TLNRD1: variants seen among roughly 807,000 people sequenced by gnomAD.
TLNRD1 encodes talin rod domain containing 1.
Under a neutral mutation model 19.5 loss-of-function variants are expected in TLNRD1, and 14 were observed. The observed-to-expected ratio is 0.72, with a 90% CI of 0.47 to 1.12. TLNRD1 has a LOEUF of 1.12. TLNRD1 is among the 50% of genes most tolerant of loss of function. TLNRD1 has a pLI of 0.00. For missense variants in TLNRD1, 569 were observed against 531.9 expected (o/e 1.07, Z -0.69); for synonymous variants, 345 against 261.7 (o/e 1.32, Z -3.07).
rs369155048 is a variant in TLNRD1, at chr15:81,003,060, C to T, written c.789C>T (p.Gly263=). 5.3e-4 allele frequency: 818 copies of T among 1,546,596 alleles called. No homozygotes were observed. Among genetic ancestry groups the T allele is most frequent in the Non-Finnish European group, 6.5e-4 (746 of 1,152,212 alleles). ...PLVQAVSALV[G]FATEPQFLGR... is the part of the protein sequence containing the mutation. ...TGCAGGCAGTGAGCGCCCTGGTAGG[C>T]TTCGCCACCGAGCCGCAGTTCCTGG... is the stretch of plus-strand genomic sequence containing the variant. The change falls in exon 1 of 1, where the codon GGC becomes GGT. Residue 263 remains glycine (G), a synonymous_variant. Transcript: ENST00000267984.
Position 81,002,199 on chromosome 15 carries a change from G to A in TLNRD1, c.-73G>A. ...CCAGCTGAGTCGCGACGGCCGCCGGGGCGGCGGCAGTGGCCGCGGCAGCGG... is the reference window on the plus strand; with the variant it reads ...CCAGCTGAGTCGCGACGGCCGCCGGAGCGGCGGCAGTGGCCGCGGCAGCGG... On this transcript the variant is annotated 5_prime_UTR_variant, in exon 1 of 1. Coordinates refer to ENST00000267984, the MANE Select transcript of TLNRD1 (RefSeq NM_022566.3). 8 of 1,208,354 alleles carry A rather than the reference G, an allele frequency of 6.6e-6. No individual in the cohort carries two copies. In the South Asian group the frequency reaches 1.7e-4, roughly 25 times the overall value. The allele number at this position is 1,208,354 out of a possible 1,614,324, so 74.9% of individuals were successfully genotyped here.
chr15:81,002,913 C>G lies in TLNRD1; in HGVS notation c.642C>G (p.Phe214Leu), dbSNP rs1170122194. Reference sequence around the variant, plus strand: ...GGGACCGCTTTTCGCGGGAGCAGTTCAAGCTGGGCGTCAAGTGCATGAGCA... The same window carrying G: ...GGGACCGCTTTTCGCGGGAGCAGTTGAAGCTGGGCGTCAAGTGCATGAGCA... ...KSRDRFSREQFKLGVKCMSTS... is the reference protein window; with the variant it reads ...KSRDRFSREQLKLGVKCMSTS... The change falls in exon 1 of 1, where the codon TTC (phenylalanine) becomes TTG (leucine). Residue 214 changes from phenylalanine to leucine, a missense_variant. Physicochemically the swap from Phe to Leu is conservative, Grantham distance 22. Coordinates refer to ENST00000267984, the MANE Select transcript of TLNRD1 (RefSeq NM_022566.3). 1.3e-6 allele frequency: 2 copies of G among 1,597,258 alleles called. No homozygotes were observed. The highest frequency in any genetic ancestry group is 8.5e-7 in the Non-Finnish European group (1 of 1,178,728).
chr15:81,003,602 G>T lies in TLNRD1; in HGVS notation c.*242G>T, dbSNP rs540436377. 3.7e-4 allele frequency: 163 copies of T among 444,226 alleles called. 1 individual carries two copies. The highest frequency in any genetic ancestry group is 5.6e-4 in the Non-Finnish European group (138 of 244,354). The allele number at this position is 444,226 out of a possible 1,614,324, so 27.5% of individuals were successfully genotyped here. Reference sequence around the variant, plus strand: ...GGGACTGGAAGATATGTCATCTGCTGGTTGTGTTATCACTCCCACCCCCTA... The same window carrying T: ...GGGACTGGAAGATATGTCATCTGCTTGTTGTGTTATCACTCCCACCCCCTA... On this transcript the variant is annotated 3_prime_UTR_variant, in exon 1 of 1. Transcript: ENST00000267984.
At position 81,003,054 on chromosome 15, in the gene TLNRD1, G is replaced by T. The variant is rs1306963001; in HGVS notation, c.783G>T (p.Leu261=). The T allele has an allele frequency of 1.9e-6, 3 of 1,547,090 alleles. No individual in the cohort carries two copies. The highest frequency in any genetic ancestry group is 2.6e-6 in the Non-Finnish European group (3 of 1,152,548). ...CCCTGGTGCAGGCAGTGAGCGCCCT[G>T]GTAGGCTTCGCCACCGAGCCGCAGT... ...SGPLVQAVSA[L]VGFATEPQFL... is the part of the protein sequence containing the mutation. The change falls in exon 1 of 1, where the codon CTG becomes CTT. Residue 261 remains leucine, a synonymous_variant. Transcript: ENST00000267984.
chr15:81,003,187 C>T lies in TLNRD1; in HGVS notation c.916C>T (p.Leu306Phe), dbSNP rs545141720. 8 of 1,588,766 alleles carry T rather than the reference C, an allele frequency of 5.0e-6. No individual in the cohort carries two copies. In the East Asian group the frequency reaches 1.4e-4, roughly 27 times the overall value. The change falls in exon 1 of 1, where the codon CTC becomes TTC. Residue 306 changes from leucine to phenylalanine, a missense_variant. Coordinates refer to ENST00000267984, the MANE Select transcript of TLNRD1 (RefSeq NM_022566.3). ...VSACVLLTQC[L>F]RDLAQHPDGG... is the part of the protein sequence containing the mutation. Reference sequence around the variant, plus strand: ...GGCCTGCGTGCTCCTGACCCAGTGCCTCAGGGATCTGGCGCAGCACCCCGA... The same window carrying T: ...GGCCTGCGTGCTCCTGACCCAGTGCTTCAGGGATCTGGCGCAGCACCCCGA...
Position 81,005,232 on chromosome 15 carries a change from ACTT to A in TLNRD1, c.*1874_*1876del, listed in dbSNP as rs145456473. ...GTTTTTCTCTGTTAAATCCTGGTAA[ACTT>A]CGGGTTTTTGAAGACTTTAAAAGAT... On this transcript the variant is annotated 3_prime_UTR_variant, in exon 1 of 1. Coordinates refer to ENST00000267984, the MANE Select transcript of TLNRD1 (RefSeq NM_022566.3). 10,003 of 167,096 alleles carry A rather than the reference ACTT, an allele frequency of 0.06. 365 individuals carry two copies. The highest frequency in any genetic ancestry group is 0.17 in the Middle Eastern group (49 of 296). 10.4% of individuals were successfully genotyped at this position (167,096 alleles called of 1,614,324 possible). A position where few individuals can be genotyped will look rare whatever the true frequency, so the allele number is the denominator to read the frequency against.
chr15:81,001,659 G>T lies in TLNRD1; in HGVS notation c.-613G>T, dbSNP rs953890710. On this transcript the variant is annotated 5_prime_UTR_variant, in exon 1 of 1. Transcript: ENST00000267984. ...CCGCGCGTCCCAGAGAGCCAGCCCC[G>T]GCCGCCGTCGCGGGGAAGTGCCGCC... 6.6e-6 allele frequency: 1 copy of T among 151,852 alleles called. No homozygotes were observed. The highest frequency in any genetic ancestry group is 6.5e-5 in the Admixed American group (1 of 15,270). 9.4% of individuals were successfully genotyped at this position (151,852 alleles called of 1,614,324 possible).
chr15:81,003,590 A>G lies in TLNRD1; in HGVS notation c.*230A>G. ...CCCCATGCAGTAGGGACTGGAAGAT[A>G]TGTCATCTGCTGGTTGTGTTATCAC... On this transcript the variant is annotated 3_prime_UTR_variant, in exon 1 of 1. Transcript: ENST00000267984. 2.1e-6 allele frequency: 1 copy of G among 475,400 alleles called. No homozygotes were observed. The allele number at this position is 475,400 out of a possible 1,614,324, so 29.4% of individuals were successfully genotyped here.
In TLNRD1 at chr15:81,004,233, G is replaced by C. The variant is rs1796745639; in HGVS notation, c.*873G>C. The C allele has an allele frequency of 6.0e-6, 1 of 167,068 alleles. No individual in the cohort carries two copies. Among genetic ancestry groups the C allele is most frequent in the Non-Finnish European group, 1.5e-5 (1 of 68,120 alleles). 10.3% of individuals were successfully genotyped at this position (167,068 alleles called of 1,614,324 possible). ...TGTAACGTTCTATTTTAAAAGGCAGGTGACACAAATGGGATTGGGTTATGT... is the reference window on the plus strand; with the variant it reads ...TGTAACGTTCTATTTTAAAAGGCAGCTGACACAAATGGGATTGGGTTATGT... On this transcript the variant is annotated 3_prime_UTR_variant, in exon 1 of 1. Coordinates refer to ENST00000267984, the MANE Select transcript of TLNRD1 (RefSeq NM_022566.3).
chr15:81,003,332 C>A lies in TLNRD1; in HGVS notation c.1061C>A (p.Pro354Gln), dbSNP rs377355789. The A allele has an allele frequency of 8.1e-5, 129 of 1,601,750 alleles. No individual in the cohort carries two copies. The highest frequency in any genetic ancestry group is 1.1e-4 in the Non-Finnish European group (126 of 1,170,894). The change falls in exon 1 of 1, where the codon CCG becomes CAG. Residue 354 changes from proline (P) to glutamine (Q), a missense_variant. Transcript: ENST00000267984. ...LRERSSPRTL[P>Q]PVNSNSVN ...GAGAGGTCTTCGCCCAGGACTTTAC[C>A]GCCAGTGAATTCCAATTCTGTGAAT...
Position 81,002,732 on chromosome 15 carries a change from C to G in TLNRD1, c.461C>G (p.Thr154Arg). The G allele has an allele frequency of 6.5e-7, 1 of 1,534,178 alleles. No individual in the cohort carries two copies. Among genetic ancestry groups the G allele is most frequent in the Non-Finnish European group, 8.7e-7 (1 of 1,145,984 alleles). Reference sequence around the variant, plus strand: ...GGCCTGGTGGACCGCTACCGCGTGACGCGATGCCGCCACGAGGTGGAGCAG... The same window carrying G: ...GGCCTGGTGGACCGCTACCGCGTGAGGCGATGCCGCCACGAGGTGGAGCAG... Reference protein sequence around the residue: ...QPGLVDRYRVTRCRHEVEQGC... With the variant: ...QPGLVDRYRVRRCRHEVEQGC... The change falls in exon 1 of 1, where the codon ACG becomes AGG. Residue 154 changes from threonine (T) to arginine (R), a missense_variant. By Grantham distance (71) the Thr-to-Arg change is moderately conservative. Coordinates refer to ENST00000267984, the MANE Select transcript of TLNRD1 (RefSeq NM_022566.3).
At position 81,001,754 on chromosome 15, in the gene TLNRD1, A is replaced by G. The variant is rs1428038163; in HGVS notation, c.-518A>G. ...GAGGTGGCCTCGAGCGCGGCGGCTG[A>G]CAGCACAGCCCGCCTGAGCTGCCTC... On this transcript the variant is annotated 5_prime_UTR_variant, in exon 1 of 1. Coordinates refer to ENST00000267984, the MANE Select transcript of TLNRD1 (RefSeq NM_022566.3). 1 of 151,984 alleles carries G rather than the reference A, an allele frequency of 6.6e-6. No individual in the cohort carries two copies. Among genetic ancestry groups the G allele is most frequent in the African/African-American group, 2.4e-5 (1 of 41,390 alleles). The allele number at this position is 151,984 out of a possible 1,614,324, so 9.4% of individuals were successfully genotyped here.
At position 81,002,622 on chromosome 15, in the gene TLNRD1, C is replaced by T. The variant is rs754568773; in HGVS notation, c.351C>T (p.Asp117=). The T allele has an allele frequency of 2.7e-6, 4 of 1,493,316 alleles. No individual in the cohort carries two copies. Among genetic ancestry groups the T allele is most frequent in the Non-Finnish European group, 3.5e-6 (4 of 1,132,060 alleles). The allele number at this position is 1,493,316 out of a possible 1,614,324, so 92.5% of individuals were successfully genotyped here. Reference sequence around the variant, plus strand: ...GGGACAGCCTGGTGGAGCTGGGCGACCTGGTGGTGTCGCTGACCGAGTGCT... The same window carrying T: ...GGGACAGCCTGGTGGAGCTGGGCGATCTGGTGGTGTCGCTGACCGAGTGCT... ...EAGDSLVELG[D]LVVSLTECSA... is the part of the protein sequence containing the mutation. Residue 117 remains aspartate (D), a synonymous_variant, in exon 1 of 1, where the codon GAC becomes GAT. Transcript: ENST00000267984.
rs1893417271 is a variant in TLNRD1 at position 81,001,967 on chromosome 15, T to G, written c.-305T>G. The G allele has an allele frequency of 1.9e-5, 4 of 206,448 alleles. No homozygotes were observed. The highest frequency in any genetic ancestry group is 1.9e-4 in the South Asian group (1 of 5,324). The allele number at this position is 206,448 out of a possible 1,614,324, so 12.8% of individuals were successfully genotyped here. A position where few individuals can be genotyped will look rare whatever the true frequency, so the allele number is the denominator to read the frequency against. The stretch of plus-strand genomic sequence containing the variant: ...GCCCGGCGACGAGGAGCGCGGACAG[T>G]GAGTTTGCTCTGCCCCGGTTCATGG... On this transcript the variant is annotated 5_prime_UTR_variant, in exon 1 of 1. An upstream open reading frame in the 5' UTR loses its in-frame stop. Transcript: ENST00000267984.
chr15:81,002,126 C>T lies in TLNRD1; in HGVS notation c.-146C>T, dbSNP rs1893420268. The stretch of plus-strand genomic sequence containing the variant: ...CCGCCGCAGCCCAGTGCCCTCTGCC[C>T]GCGGCGGTGGATGGCATGATGGTGC... On this transcript the variant is annotated 5_prime_UTR_variant, in exon 1 of 1. Transcript: ENST00000267984. The T allele has an allele frequency of 2.1e-6, 2 of 952,566 alleles. No individual in the cohort carries two copies. The highest frequency in any genetic ancestry group is 3.9e-5 in the East Asian group (1 of 25,646). 59.0% of individuals were successfully genotyped at this position (952,566 alleles called of 1,614,324 possible).
Position 81,003,346 on chromosome 15 carries a change from A to G in TLNRD1, c.1075A>G (p.Asn359Asp). Residue 359 changes from asparagine (N) to aspartate (D), a missense_variant, in exon 1 of 1, where the codon AAT (asparagine) becomes GAT (aspartate). By Grantham distance (23) the Asn-to-Asp change is conservative (BLOSUM62 1). Coordinates refer to ENST00000267984, the MANE Select transcript of TLNRD1 (RefSeq NM_022566.3). ...CAGGACTTTACCGCCAGTGAATTCCAATTCTGTGAATTAGCACCCCACCCC... is the reference window on the plus strand; with the variant it reads ...CAGGACTTTACCGCCAGTGAATTCCGATTCTGTGAATTAGCACCCCACCCC... ...SPRTLPPVNS[N>D]SVN 6.3e-7 allele frequency: 1 copy of G among 1,597,238 alleles called. No homozygotes were observed.
At position 81,002,469 on chromosome 15, in the gene TLNRD1, C is replaced by T. The variant is rs547365088; in HGVS notation, c.198C>T (p.Ala66=). The T allele has an allele frequency of 8.2e-5, 124 of 1,514,746 alleles. 2 individuals are homozygous for T. The highest frequency in any genetic ancestry group is 6.6e-4 in the South Asian group (54 of 81,682). 93.8% of individuals were successfully genotyped at this position (1,514,746 alleles called of 1,614,324 possible). A position where few individuals can be genotyped will look rare whatever the true frequency, so the allele number is the denominator to read the frequency against. ...EARPVLFEGP[A]SSGAGAESFE... is the part of the protein sequence containing the mutation. ...GGCCCGTGCTCTTCGAGGGCCCCGC[C>T]TCCTCTGGTGCCGGCGCCGAGTCCT... is the stretch of plus-strand genomic sequence containing the variant. Residue 66 remains alanine, a synonymous_variant, in exon 1 of 1, where the codon GCC becomes GCT. Coordinates refer to ENST00000267984, the MANE Select transcript of TLNRD1 (RefSeq NM_022566.3).
Position 81,001,586 on chromosome 15 carries a change from C to G in TLNRD1, c.-686C>G, listed in dbSNP as rs1893409678. ...GGCCACACCCTCTGCCCCGCTGCCGCCGGCGCCGCTTCCCAAGAGCTGGAG... is the reference window on the plus strand; with the variant it reads ...GGCCACACCCTCTGCCCCGCTGCCGGCGGCGCCGCTTCCCAAGAGCTGGAG... On this transcript the variant is annotated 5_prime_UTR_variant, in exon 1 of 1. Coordinates refer to ENST00000267984, the MANE Select transcript of TLNRD1 (RefSeq NM_022566.3). 6.6e-6 allele frequency: 1 copy of G among 151,806 alleles called. No homozygotes were observed. The highest frequency in any genetic ancestry group is 2.4e-5 in the African/African-American group (1 of 41,320). 9.4% of individuals were successfully genotyped at this position (151,806 alleles called of 1,614,324 possible). A position where few individuals can be genotyped will look rare whatever the true frequency, so the allele number is the denominator to read the frequency against.
rs758683042 is a variant in TLNRD1, at chr15:81,003,017, T to A, written c.746T>A (p.Leu249His). 6.4e-7 allele frequency: 1 copy of A among 1,558,356 alleles called. No individual in the cohort carries two copies. Among genetic ancestry groups the A allele is most frequent in the Non-Finnish European group, 8.6e-7 (1 of 1,158,822 alleles). The change falls in exon 1 of 1, where the codon CTC becomes CAC. Residue 249 changes from leucine to histidine, a missense_variant. By Grantham distance (99) the Leu-to-His change is moderately conservative. Coordinates refer to ENST00000267984, the MANE Select transcript of TLNRD1 (RefSeq NM_022566.3). ...GAGCTGGCGCGCAGCCGCTGTGCGC[T>A]CTTCAGCGGGCCCCTGGTGCAGGCA... ...PSELARSRCALFSGPLVQAVS... is the reference protein window; with the variant it reads ...PSELARSRCAHFSGPLVQAVS...
Sources: allele counts gnomAD v4.1 joint callset, GRCh38; gene constraint gnomAD v4.1.1; transcripts MANE v1.5; gene names NCBI Gene and HGNC (gene_info 2026-07-23, HGNC 2026-07-21).